The following COLEC11 variants were observed in gnomAD, a reference collection of about 807,000 sequenced individuals.
The protein encoded by COLEC11 is collectin subfamily member 11, also known as collectin-11.
A neutral mutation model predicts 27.3 loss-of-function variants in COLEC11; 20 were observed. That is an observed-to-expected ratio of 0.73 (90% CI 0.51 to 1.06). The LOEUF is 1.06. Ranked by LOEUF, COLEC11 falls within the 50% of genes least tolerant of loss-of-function variation. COLEC11 has a pLI of 0.00. For missense variants in COLEC11, 310 were observed against 383.0 expected (o/e 0.81, Z 1.59); for synonymous variants, 163 against 154.7 (o/e 1.05, Z -0.40).
At chr2:3,610,783 G>T (rs561301923) in intron 2 of COLEC11, among the ~76,000 whole-genome samples, 1 of 152,178 alleles carries the variant, frequency 6.6e-6, no homozygotes, top group African/African-American at 2.4e-5. Context: ...CCTCAGAGGG[G>T]CTTTTCGGAT....
At chr2:3,606,363 A>G (rs1040149580) in intron 2 of COLEC11, 8 of 841,420 alleles carry the variant, frequency 9.5e-6, no homozygotes, top group African/African-American at 6.8e-5. Flanking sequence ...GGTCCCCTGG[A>G]TGTGCTGTCA....
chr2:3,603,901 T>C (rs991495763), intron 1 of COLEC11: 7 of 588,796 alleles, frequency 1.2e-5, no homozygotes, highest in Non-Finnish European at 2.1e-5. Flanking sequence ...GCCTTGGCTG[T>C]TTCCTTTAGC....
At chr2:3,621,903 G>A (rs1173348798) in intron 3 of COLEC11, among the ~76,000 whole-genome samples, 2 of 152,110 alleles carry the variant, frequency 1.3e-5, no homozygotes, top group Non-Finnish European at 2.9e-5. Flanking sequence ...ATTGGGCCAG[G>A]TGCAGTGGCT....
intron 3 of COLEC11, 101 bp from the exon 4 acceptor site, chr2:3,637,432 G>A: frequency 3.6e-6 from 3 of 834,522 alleles, no homozygotes; most frequent in South Asian, 1.4e-5. Flanking sequence ...TGCCTGTGAT[G>A]TAGGAAGGAG....
chr2:3,627,753 C>T (rs530796334), intron 3 of COLEC11, among the ~76,000 whole-genome samples: 4 of 148,448 alleles, frequency 2.7e-5, no homozygotes, highest in South Asian at 2.2e-4. Flanking sequence ...CTAGGTATGA[C>T]GATGCTGGGC....
intron 5 of COLEC11, among the ~76,000 whole-genome samples, chr2:3,641,864 G>C (rs1665892503): frequency 6.6e-6 from 1 of 152,196 alleles, no homozygotes; most frequent in African/African-American, 2.4e-5. Flanking sequence ...TGTGGGAAAA[G>C]GCGTAAAGCC....
intron 1 of COLEC11, among the ~76,000 whole-genome samples, chr2:3,595,673 A>G (rs1661794249): frequency 6.6e-6 from 1 of 152,186 alleles, no homozygotes; most frequent in Admixed American, 6.5e-5. Context: ...TGCTTTGGCA[A>G]CTTTCCAGGG....
At chr2:3,603,947 C>G in intron 1 of COLEC11, 1 of 570,992 alleles carries the variant, frequency 1.8e-6, no homozygotes, top group Non-Finnish European at 3.1e-6. Context: ...CCCAGCTCTG[C>G]AGAGGCTCCA....
chr2:3,626,088 A>G (rs760724765), intron 3 of COLEC11: 2 of 1,613,306 alleles, frequency 1.2e-6, no homozygotes, highest in African/African-American at 2.7e-5. Context: ...AAATGGGATC[A>G]CAGGGTAATG....
intron 3 of COLEC11, among the ~76,000 whole-genome samples, chr2:3,614,263 C>T (rs961726742): frequency 4.6e-5 from 7 of 152,092 alleles, no homozygotes; most frequent in Non-Finnish European, 1.0e-4. Flanking sequence ...AATGCTTTCT[C>T]AGTATGTACA....
intron 1 of COLEC11, among the ~76,000 whole-genome samples, chr2:3,595,698 C>T (rs1180470601): frequency 3.3e-5 from 5 of 152,122 alleles, no homozygotes; most frequent in African/African-American, 1.2e-4. Context: ...ACTTTGAGTT[C>T]AGATGGGGTC....
rs1301474044 is a variant in COLEC11 at position 3,613,342 on chromosome 2, C to T, written c.162C>T (p.Ala54=). Residue 54 remains alanine (A), a synonymous_variant, in exon 3 of 7, where the codon GCC becomes GCT. Transcript: ENST00000349077. The part of the protein sequence containing the change: ...GDAGEKGDKG[A]PGRPGRVGPT... ...CGGGAGAGAAGGGAGACAAAGGCGC[C>T]CCCGGACGGCCTGGAAGAGTCGGCC... 6.2e-7 allele frequency: 1 copy of T among 1,609,964 alleles called. No individual in the cohort carries two copies. Among genetic ancestry groups the T allele is most frequent in the African/African-American group, 1.3e-5 (1 of 74,892 alleles).
intron 1 of COLEC11, among the ~76,000 whole-genome samples, chr2:3,596,337 A>ATTTTTTT (rs369478323): frequency 7.5e-6 from 1 of 132,772 alleles, no homozygotes. Context: ...TGTCTATTTC[A>ATTTTTTT]TTTTTTTTTT....
At chr2:3,632,835 A>G (rs1665116271) in intron 3 of COLEC11, among the ~76,000 whole-genome samples, 1 of 152,212 alleles carries the variant, frequency 6.6e-6, no homozygotes, top group South Asian at 2.1e-4. Context: ...GGGCAGCGTC[A>G]GAGCACGGGA....
At chr2:3,634,183 A>G (rs1056654725) in intron 3 of COLEC11, among the ~76,000 whole-genome samples, 1 of 152,196 alleles carries the variant, frequency 6.6e-6, no homozygotes, top group Non-Finnish European at 1.5e-5. Flanking sequence ...CTGGGCACTC[A>G]GTGTGGGTGG....
At chr2:3,604,494 C>A (rs1311939674) in intron 2 of COLEC11, 24 bp downstream of exon 2, 1 of 1,613,274 alleles carries the variant, frequency 6.2e-7, no homozygotes, top group Non-Finnish European at 8.5e-7. Flanking sequence ...GGACTCTGGG[C>A]TGCTGGGCAG....
chr2:3,620,419 TTTTA>T (rs1481125605), intron 3 of COLEC11, among the ~76,000 whole-genome samples: 1 of 152,202 alleles, frequency 6.6e-6, no homozygotes, highest in African/African-American at 2.4e-5. Context: ...GCATTTCTGA[TTTTA>T]TTTGAGTTAC....
intron 3 of COLEC11, among the ~76,000 whole-genome samples, chr2:3,619,033 ATTTG>A (rs1226921022): frequency 5.3e-5 from 8 of 152,100 alleles, no homozygotes; most frequent in Non-Finnish European, 1.2e-4. Flanking sequence ...ACTTTACTGA[ATTTG>A]TTTATTAGTG....
At chr2:3,623,614 C>T (rs139917212) in intron 3 of COLEC11, among the ~76,000 whole-genome samples, 2 of 151,316 alleles carry the variant, frequency 1.3e-5, no homozygotes, top group African/African-American at 4.8e-5. Context: ...AAATTTTATT[C>T]ATTCTGTTCT....
Sources: allele counts gnomAD v4.1 joint callset (sites outside exome capture counted in the v4.1 genomes callset), GRCh38; gene constraint gnomAD v4.1.1; transcripts MANE v1.5; gene names NCBI Gene and HGNC (gene_info 2026-07-23, HGNC 2026-07-21).